Variants in ACTN4 observed in about 807,000 individuals in gnomAD.
ACTN4 encodes the protein actinin alpha 4.
In ACTN4, 18 loss-of-function variants were observed where a neutral mutation model predicts 114.2. The observed-to-expected ratio is 0.16, with a 90% CI of 0.11 to 0.23. The LOEUF (loss-of-function observed/expected upper bound fraction) is 0.23, where lower values mean the gene tolerates loss of function less well. Among genes scored for constraint, ACTN4 ranks in the 10% least tolerant of loss-of-function variants. ACTN4 has a pLI of 1.00. For synonymous variants in ACTN4, 515 were observed against 506.3 expected (o/e 1.02, Z -0.23); for missense variants, 722 against 1,262.9 (o/e 0.57, Z 6.49).
chr19:38,710,146 G>C, intron 7 of ACTN4, 111 bp from the exon 8 acceptor site: 7 of 1,109,322 alleles, frequency 6.3e-6, no homozygotes, highest in Non-Finnish European at 9.6e-6. Flanking sequence ...GCGTCACTCT[G>C]CAGGTCCCTC....
chr19:38,726,014 C>A, intron 17 of ACTN4, 111 bp downstream of exon 17: 1 of 1,442,928 alleles, frequency 6.9e-7, no homozygotes, highest in Non-Finnish European at 9.6e-7. Flanking sequence ...GTTTTTCACT[C>A]TGTTTAAAAA....
At position 38,665,086 on chromosome 19, in the gene ACTN4, A is replaced by T. The variant is rs147887186; in HGVS notation, c.162+17179A>T. Among the ~76,000 whole-genome samples, 788 of 152,248 alleles carry T rather than the reference A, an allele frequency of 5.2e-3. 9 individuals carry two copies. The highest frequency in any genetic ancestry group is 0.018 in the African/African-American group (751 of 41,536). On this transcript the variant is annotated intron_variant, in intron 1 of 20. Coordinates refer to ENST00000252699, the MANE Select transcript of ACTN4 (RefSeq NM_004924.6). ...CCACAGGCTGTCCCTGGGCCCAAGC[A>T]GTTAGCTAGCTGCACCCCGGGAGGG...
intron 4 of ACTN4, 90 bp from the exon 5 acceptor site, chr19:38,705,954 C>G: frequency 7.3e-7 from 1 of 1,363,656 alleles, no homozygotes; most frequent in Non-Finnish European, 1.0e-6. Flanking sequence ...CGTTTGACCC[C>G]AGGCCTGAGC....
intron 1 of ACTN4, among the ~76,000 whole-genome samples, chr19:38,686,162 C>G (rs1307654546): frequency 6.6e-6 from 1 of 152,116 alleles, no homozygotes. Context: ...CCATCAGTGC[C>G]CTGTCTGACC....
chr19:38,674,742 G>A (rs1271971700), intron 1 of ACTN4, among the ~76,000 whole-genome samples: 8 of 152,126 alleles, frequency 5.3e-5, no homozygotes, highest in South Asian at 4.1e-4. Context: ...CATTAGGGCC[G>A]AGTATCGATT....
intron 1 of ACTN4, among the ~76,000 whole-genome samples, chr19:38,667,722 C>A (rs1435900063): frequency 3.0e-5 from 4 of 135,116 alleles, no homozygotes; most frequent in Admixed American, 1.4e-4. Flanking sequence ...AAAAAAAAAA[C>A]CATTTTGGAG....
chr19:38,659,794 C>G (rs779666191), intron 1 of ACTN4, among the ~76,000 whole-genome samples: 3 of 152,112 alleles, frequency 2.0e-5, no homozygotes, highest in Non-Finnish European at 4.4e-5. Context: ...TCTGTGGGTT[C>G]AATTATGTCA....
At chr19:38,721,048 G>A (rs988815187) in intron 11 of ACTN4, among the ~76,000 whole-genome samples, 15 of 152,210 alleles carry the variant, frequency 9.9e-5, no homozygotes, top group African/African-American at 3.4e-4. Context: ...TTAGGACAGC[G>A]TGGGGCACTT....
At chr19:38,698,135 T>G (rs1968153103) in intron 1 of ACTN4, among the ~76,000 whole-genome samples, 1 of 152,032 alleles carries the variant, frequency 6.6e-6, no homozygotes, top group Non-Finnish European at 1.5e-5. Context: ...GCAGGACTCC[T>G]GAGACCAGGG....
At chr19:38,674,681 A>G (rs984096201) in intron 1 of ACTN4, among the ~76,000 whole-genome samples, 36 of 152,144 alleles carry the variant, frequency 2.4e-4, no homozygotes, top group African/African-American at 8.7e-4. Context: ...TCAGTAAAAG[A>G]CAGAACTGAG....
At chr19:38,728,917 G>T in intron 19 of ACTN4, 79 bp from the exon 20 acceptor site, 1 of 1,577,072 alleles carries the variant, frequency 6.3e-7, no homozygotes, top group Non-Finnish European at 8.7e-7. Flanking sequence ...CTGTTTCCCT[G>T]GAGACCCCAC....
chr19:38,717,995 G>T lies in ACTN4; in HGVS notation c.1212G>T (p.Glu404Asp). The change falls in exon 11 of 21, where the codon GAG (glutamate) becomes GAT (aspartate). Residue 404 changes from glutamate to aspartate, a missense_variant. Physicochemically the swap from Glu to Asp is conservative, Grantham distance 45. Transcript: ENST00000252699. This position sits in a 1 kb window ranked among gnomAD's most constrained non-coding sequence, Gnocchi z 4.0. Reference protein sequence around the residue: ...EKGYEEWLLNEIRRLERLDHL... With the variant: ...EKGYEEWLLNDIRRLERLDHL... ...GCTACGAGGAGTGGCTGCTGAATGA[G>T]ATCCGCAGGCTGGAGCGGCTCGACC... is the stretch of plus-strand genomic sequence containing the variant. The T allele has an allele frequency of 6.2e-7, 1 of 1,608,950 alleles. No homozygotes were observed. The highest frequency in any genetic ancestry group is 8.5e-7 in the Non-Finnish European group (1 of 1,177,916).
At chr19:38,708,700 G>A (rs1187193740) in intron 6 of ACTN4, among the ~76,000 whole-genome samples, 4 of 152,228 alleles carry the variant, frequency 2.6e-5, no homozygotes, top group Non-Finnish European at 4.4e-5. Context: ...ACACCAGGCC[G>A]TGTACATGTG....
intron 1 of ACTN4, among the ~76,000 whole-genome samples, chr19:38,698,346 A>G (rs993964082): frequency 6.6e-6 from 1 of 152,144 alleles, no homozygotes; most frequent in South Asian, 2.1e-4. Flanking sequence ...TGGTGTAAGC[A>G]TGGTTCCCGC....
chr19:38,715,328 C>G (rs1968802929), intron 9 of ACTN4, among the ~76,000 whole-genome samples: 1 of 152,106 alleles, frequency 6.6e-6, no homozygotes, highest in Non-Finnish European at 1.5e-5. Flanking sequence ...GAAACCTTGT[C>G]TCTACTGAAA....
At chr19:38,709,609 A>T (rs1968573889) in intron 7 of ACTN4, 133 bp downstream of exon 7, 1 of 790,776 alleles carries the variant, frequency 1.3e-6, no homozygotes, top group Non-Finnish European at 2.2e-6. Context: ...AGCCAGCAAG[A>T]AGGGCTGAAT....
intron 1 of ACTN4, among the ~76,000 whole-genome samples, chr19:38,692,592 C>T (rs552027290): frequency 1.3e-5 from 2 of 152,290 alleles, no homozygotes; most frequent in South Asian, 4.1e-4. Flanking sequence ...GCCCTGAAAG[C>T]GCCTTTATAG....
chr19:38,721,797 T>TCC (rs765518302), intron 12 of ACTN4, 109 bp downstream of exon 12: 1 of 1,500,510 alleles, frequency 6.7e-7, no homozygotes, highest in South Asian at 1.2e-5. Context: ...TGGAATAGGG[T>TCC]CCCCAGTGCC....
At chr19:38,653,040 C>T (rs557107412) in intron 1 of ACTN4, among the ~76,000 whole-genome samples, 85 of 149,936 alleles carry the variant, frequency 5.7e-4, no homozygotes, top group Middle Eastern at 3.4e-3. Flanking sequence ...GAGCCAAGAT[C>T]GCGCTACTGC....
Sources: allele counts gnomAD v4.1 joint callset (sites outside exome capture counted in the v4.1 genomes callset), GRCh38; gene constraint gnomAD v4.1.1; non-coding constraint Gnocchi (gnomAD v3.1); transcripts MANE v1.5; gene names NCBI Gene and HGNC (gene_info 2026-07-23, HGNC 2026-07-21).